The following CLCN7 variants were observed in gnomAD, a reference collection of about 807,000 sequenced individuals.
CLCN7 encodes the protein H(+)/Cl(-) exchange transporter 7.
In CLCN7, 60 loss-of-function variants were observed where a neutral mutation model predicts 102.1. The observed-to-expected ratio is 0.59, with a 90% CI of 0.48 to 0.73. CLCN7 has a LOEUF of 0.73. CLCN7 is among the 30% of genes least tolerant of loss of function. CLCN7 has a pLI of 0.00. For synonymous variants in CLCN7, 560 were observed against 490.5 expected, an observed-to-expected ratio of 1.14 and a Z score of -1.87; for missense variants, 962 against 1,125.7, an observed-to-expected ratio of 0.85 and a Z score of 2.08.
chr16:1,471,355 G>A (rs942223388), intron 1 of CLCN7, among the ~76,000 whole-genome samples: 23 of 152,284 alleles, frequency 1.5e-4, no homozygotes, highest in African/African-American at 4.8e-4. Context: ...GAACAGTCCC[G>A]TCAGCAGGGG....
intron 17 of CLCN7, chr16:1,450,236 A>G: frequency 1.9e-6 from 1 of 540,374 alleles, no homozygotes; most frequent in East Asian, 3.1e-5. Flanking sequence ...TCACATTCTC[A>G]AGAATAAGGA....
chr16:1,462,070 G>A (rs1344865184), intron 2 of CLCN7, among the ~76,000 whole-genome samples: 1 of 141,698 alleles, frequency 7.1e-6, no homozygotes, highest in African/African-American at 2.7e-5. Context: ...GGGTGACAGA[G>A]CAAGACTCCG....
chr16:1,448,412 G>T lies in CLCN7; in HGVS notation c.1956C>A (p.Ser652Arg), dbSNP rs111664844. ...EKVGVIVDVL[S>R]DTASNHNGFP... ...AGCCGTTGTGATTGGACGCCGTGTC[G>T]CTCAGCACGTCCACAATGACGCCGA... The change falls in exon 21 of 25, where the codon AGC becomes AGA. Residue 652 changes from serine (S) to arginine (R), a missense_variant. Around this residue, in one of 2 missense-constraint regions of CLCN7, gnomAD observed 799 missense variants for 988.0 expected, o/e 0.81. Transcript: ENST00000382745. 6.2e-7 allele frequency: 1 copy of T among 1,612,574 alleles called. No individual in the cohort carries two copies. Among genetic ancestry groups the T allele is most frequent in the Non-Finnish European group, 8.5e-7 (1 of 1,179,958 alleles).
intron 17 of CLCN7, chr16:1,450,219 C>A (rs2038722542): frequency 2.0e-6 from 1 of 507,918 alleles, no homozygotes; most frequent in African/African-American, 1.9e-5. Flanking sequence ...ATCACCTCTG[C>A]TTTTCATCAC....
chr16:1,453,971 G>A, intron 13 of CLCN7, 77 bp from the exon 14 acceptor site: 2 of 1,445,510 alleles, frequency 1.4e-6, no homozygotes, highest in Non-Finnish European at 9.7e-7. Context: ...CCAGATGGCA[G>A]GAGAAGCTGG....
At chr16:1,460,550 G>A in intron 5 of CLCN7, 23 bp from the exon 6 acceptor site, 2 of 1,582,138 alleles carry the variant, frequency 1.3e-6, no homozygotes, top group South Asian at 2.2e-5. Context: ...AAGGAGGGCT[G>A]GCTGCTTCCC....
chr16:1,460,906 G>T lies in CLCN7; in HGVS notation c.394C>A (p.Leu132Ile), dbSNP rs1028581657. Residue 132 changes from leucine (L) to isoleucine (I), a missense_variant, in exon 5 of 25, where the codon CTC becomes ATC. By Grantham distance (5) the Leu-to-Ile change is conservative. This residue lies in a region of CLCN7 where 799 missense variants were observed against 988.0 expected (regional missense o/e 0.81). Transcript: ENST00000382745. ...ACGAGGCCCGTGAGGATCCCAATGA[G>T]GGCGCAGATGACCCAGCGCTTGATC... ...VEIKRWVICALIGILTGLVAC... is the reference protein window; with the variant it reads ...VEIKRWVICAIIGILTGLVAC... 1.2e-6 allele frequency: 2 copies of T among 1,613,836 alleles called. No homozygotes were observed. The highest frequency in any genetic ancestry group is 1.7e-6 in the Non-Finnish European group (2 of 1,179,952).
chr16:1,472,751 T>C (rs979704875), intron 1 of CLCN7: 1 of 151,708 alleles, frequency 6.6e-6, no homozygotes, highest in South Asian at 2.1e-4. Context: ...AAAATTTTTT[T>C]TAAATTTTTT....
At position 1,448,381 on chromosome 16, in the gene CLCN7, C is replaced by T. The variant is rs1198692603; in HGVS notation, c.1987G>A (p.Val663Met). 5.0e-6 allele frequency: 8 copies of T among 1,612,752 alleles called. No homozygotes were observed. The highest frequency in any genetic ancestry group is 2.2e-5 in the South Asian group (2 of 91,088). The change falls in exon 21 of 25, where the codon GTG (valine) becomes ATG (methionine). Residue 663 changes from valine (V) to methionine (M), a missense_variant. Around this residue, in one of 2 missense-constraint regions of CLCN7, gnomAD observed 799 missense variants for 988.0 expected, o/e 0.81. Coordinates refer to ENST00000382745, the MANE Select transcript of CLCN7 (RefSeq NM_001287.6). ...DTASNHNGFPVVEHADDTQPA... is the reference protein window; with the variant it reads ...DTASNHNGFPMVEHADDTQPA... ...TGGGTGTCATCGGCATGCTCCACCA[C>T]GGGGAAGCCGTTGTGATTGGACGCC...
At position 1,474,881 on chromosome 16, in the gene CLCN7, C is replaced by A. The variant is rs1293523058; in HGVS notation, c.94G>T (p.Gly32Trp). 6.9e-7 allele frequency: 1 copy of A among 1,447,642 alleles called. No individual in the cohort carries two copies. Among genetic ancestry groups the A allele is most frequent in the Non-Finnish European group, 9.1e-7 (1 of 1,102,356 alleles). 89.7% of individuals were successfully genotyped at this position (1,447,642 alleles called of 1,614,324 possible). The change falls in exon 1 of 25, where the codon GGG becomes TGG. Residue 32 changes from glycine to tryptophan, a missense_variant. This residue lies in a region of CLCN7 where 163 missense variants were observed against 137.7 expected (regional missense o/e 1.18). Coordinates refer to ENST00000382745, the MANE Select transcript of CLCN7 (RefSeq NM_001287.6). ...GCCCCGTTCAGCAGCGGCGTCCCCCCGCCGGGCCGCGCCGTCCTCCGCAGC... is the reference window on the plus strand; with the variant it reads ...GCCCCGTTCAGCAGCGGCGTCCCCCAGCCGGGCCGCGCCGTCCTCCGCAGC... ...PLLRRTARPG[G>W]GTPLLNGAGP... is the part of the protein sequence containing the mutation.
rs1487227915 is a variant in CLCN7, at chr16:1,446,778, C to T, written c.2332-61G>A. The T allele has an allele frequency of 4.9e-6, 7 of 1,423,554 alleles. No homozygotes were observed. The East Asian group carries it at 1.5e-4, about 30-fold the overall frequency. 88.2% of individuals were successfully genotyped at this position (1,423,554 alleles called of 1,614,324 possible). Reference sequence around the variant, plus strand: ...TCGGCTCCCGCCTGCCTGTGGAGCTCCCTGCCTTGTGTGTGGCTGGGGCAG... The same window carrying T: ...TCGGCTCCCGCCTGCCTGTGGAGCTTCCTGCCTTGTGTGTGGCTGGGGCAG... On this transcript the variant is annotated intron_variant, in intron 24 of 24. Coordinates refer to ENST00000382745, the MANE Select transcript of CLCN7 (RefSeq NM_001287.6).
chr16:1,452,932 C>T, intron 14 of CLCN7, 39 bp from the exon 15 acceptor site: 1 of 1,553,858 alleles, frequency 6.4e-7, no homozygotes, highest in Non-Finnish European at 8.7e-7. Flanking sequence ...GGCAGGACGG[C>T]AGCGCGGCCC....
chr16:1,455,544 C>T, intron 11 of CLCN7, 187 bp downstream of exon 11: 1 of 732,092 alleles, frequency 1.4e-6, no homozygotes, highest in East Asian at 2.7e-5. Context: ...CAATGGTGCC[C>T]AGGACCAAGG....
Position 1,474,837 on chromosome 16 carries a change from G to C in CLCN7, c.138C>G (p.Arg46=). The change falls in exon 1 of 25, where the codon CGC becomes CGG. Residue 46 remains arginine, a synonymous_variant. Coordinates refer to ENST00000382745, the MANE Select transcript of CLCN7 (RefSeq NM_001287.6). Reference sequence around the variant, plus strand: ...CCTGCGCCCTGCCCGGCCTCACCTGGCGCGCAGCCCCAGGCCCAGCCCCGT... The same window carrying C: ...CCTGCGCCCTGCCCGGCCTCACCTGCCGCGCAGCCCCAGGCCCAGCCCCGT... ...LLNGAGPGAA[R]QSPRSALFRV... 1 of 1,358,464 alleles carries C rather than the reference G, an allele frequency of 7.4e-7. No homozygotes were observed. The highest frequency in any genetic ancestry group is 1.7e-5 in the South Asian group (1 of 58,610). The allele number at this position is 1,358,464 out of a possible 1,614,324, so 84.2% of individuals were successfully genotyped here. A position where few individuals can be genotyped will look rare whatever the true frequency, so the allele number is the denominator to read the frequency against.
At chr16:1,451,942 G>A in intron 15 of CLCN7, 3 of 552,100 alleles carry the variant, frequency 5.4e-6, no homozygotes, top group Non-Finnish European at 6.7e-6. Context: ...ACACGGCCTA[G>A]GCCCAGCAGG....
At chr16:1,460,325 TG>T in intron 6 of CLCN7, 92 bp downstream of exon 6, 1 of 895,736 alleles carries the variant, frequency 1.1e-6, no homozygotes, top group South Asian at 1.3e-5. Context: ...AATGTGATGG[TG>T]GGGGTGGGTG....
chr16:1,453,982 A>G (rs2038794743), intron 13 of CLCN7, 88 bp from the exon 14 acceptor site: 2 of 1,277,238 alleles, frequency 1.6e-6, no homozygotes, highest in Non-Finnish European at 2.3e-6. Context: ...GAGAAGCTGG[A>G]GGGTTTGCAG....
chr16:1,474,945 C>G lies in CLCN7; in HGVS notation c.30G>C (p.Trp10Cys). The change falls in exon 1 of 25, where the codon TGG becomes TGC. Residue 10 changes from tryptophan (W) to cysteine (C), a missense_variant. Physicochemically the swap from Trp to Cys is radical, Grantham distance 215 (BLOSUM62 -2). Coordinates refer to ENST00000382745, the MANE Select transcript of CLCN7 (RefSeq NM_001287.6). ...CCTCGTCGTCCCGGTCCCGGCCGGACCAGGACACCTTCTTAGAGACGTTGG... is the reference window on the plus strand; with the variant it reads ...CCTCGTCGTCCCGGTCCCGGCCGGAGCAGGACACCTTCTTAGAGACGTTGG... MANVSKKVS[W>C]SGRDRDDEEA... is the part of the protein sequence containing the mutation. The G allele has an allele frequency of 6.7e-7, 1 of 1,491,618 alleles. No individual in the cohort carries two copies. Among genetic ancestry groups the G allele is most frequent in the Non-Finnish European group, 8.9e-7 (1 of 1,126,118 alleles). 92.4% of individuals were successfully genotyped at this position (1,491,618 alleles called of 1,614,324 possible). A position where few individuals can be genotyped will look rare whatever the true frequency, so the allele number is the denominator to read the frequency against.
chr16:1,447,339 C>A lies in CLCN7; in HGVS notation c.2250+53G>T, dbSNP rs1215530248. On this transcript the variant is annotated intron_variant, in intron 23 of 24. Coordinates refer to ENST00000382745, the MANE Select transcript of CLCN7 (RefSeq NM_001287.6). The stretch of plus-strand genomic sequence containing the variant: ...CCCCTCCCCGAGGCTCTGGACCCCA[C>A]CCCCTGCTGTTCAGTCCCAGGCCCC... The A allele has an allele frequency of 2.7e-6, 4 of 1,506,228 alleles. No homozygotes were observed. The Admixed American group carries it at 8.0e-5, about 30-fold the overall frequency. The allele number at this position is 1,506,228 out of a possible 1,614,324, so 93.3% of individuals were successfully genotyped here.
Sources: allele counts gnomAD v4.1 joint callset (sites outside exome capture counted in the v4.1 genomes callset), GRCh38; gene constraint gnomAD v4.1.1; regional missense constraint gnomAD v4.1.1; transcripts MANE v1.5; gene names NCBI Gene and HGNC (gene_info 2026-07-23, HGNC 2026-07-21).